Variants in ALK observed in about 807,000 individuals in gnomAD.
The protein encoded by ALK is ALK receptor tyrosine kinase.
Under a neutral mutation model 163.1 loss-of-function variants are expected in ALK, and 74 were observed. That is an observed-to-expected ratio of 0.45 (90% CI 0.38 to 0.55). The LOEUF (loss-of-function observed/expected upper bound fraction) is 0.55. Ranked by LOEUF, ALK falls within the 20% of genes least tolerant of loss-of-function variation. The pLI, the probability that ALK is intolerant of heterozygous loss-of-function variation, is 0.00. For synonymous variants in ALK, 960 were observed against 843.2 expected (o/e 1.14, Z -2.40); for missense variants, 2,063 against 2,105.3 (o/e 0.98, Z 0.39).
intron 1 of ALK, among the ~76,000 whole-genome samples, chr2:29,826,986 C>T (rs570423402): frequency 6.6e-6 from 1 of 152,326 alleles, no homozygotes; most frequent in African/African-American, 2.4e-5. Flanking sequence ...AGCTGCTGTA[C>T]CCTTACAGGA....
intron 3 of ALK, among the ~76,000 whole-genome samples, chr2:29,649,535 T>TGGAG (rs113259592): frequency 0.015 from 2,269 of 152,260 alleles, 28 homozygotes; most frequent in South Asian, 0.046. Flanking sequence ...AACCATTGAA[T>TGGAG]GATTCCCCAT....
chr2:29,843,011 T>TGA (rs1010696488), intron 1 of ALK, among the ~76,000 whole-genome samples: 1 of 152,026 alleles, frequency 6.6e-6, no homozygotes, highest in Admixed American at 6.5e-5. Flanking sequence ...CCTTGTGAGG[T>TGA]GAGGTTCTCC....
chr2:29,794,119 A>T (rs2148359239), intron 1 of ALK, among the ~76,000 whole-genome samples: 1 of 152,262 alleles, frequency 6.6e-6, no homozygotes, highest in East Asian at 1.9e-4. Context: ...GATCTTCTGG[A>T]TAACTTTCTA....
chr2:29,617,612 T>C (rs1345529832), intron 3 of ALK, among the ~76,000 whole-genome samples: 1 of 152,126 alleles, frequency 6.6e-6, no homozygotes, highest in Non-Finnish European at 1.5e-5. Flanking sequence ...TCAGCTCAGT[T>C]TTAGTAACAA....
At chr2:29,649,414 T>C (rs1186893152) in intron 3 of ALK, among the ~76,000 whole-genome samples, 2 of 152,174 alleles carry the variant, frequency 1.3e-5, no homozygotes, top group African/African-American at 4.8e-5. Context: ...AAATATCTGT[T>C]GATCCTTGGT....
chr2:29,342,077 T>C (rs1216401929), intron 5 of ALK, among the ~76,000 whole-genome samples: 1 of 152,216 alleles, frequency 6.6e-6, no homozygotes, highest in Non-Finnish European at 1.5e-5. Context: ...ACTTGATTCC[T>C]TCAATGAATA....
intron 4 of ALK, among the ~76,000 whole-genome samples, chr2:29,472,868 G>A (rs200301344): frequency 6.6e-6 from 1 of 151,622 alleles, no homozygotes; most frequent in African/African-American, 2.4e-5. Context: ...AAGAAGATCT[G>A]ATAAATGAAA....
At chr2:29,409,832 G>A (rs1289920083) in intron 4 of ALK, among the ~76,000 whole-genome samples, 1 of 151,992 alleles carries the variant, frequency 6.6e-6, no homozygotes, top group Non-Finnish European at 1.5e-5. Context: ...TTGAGCTCAG[G>A]GTTCAAGGGT....
At chr2:29,501,810 T>C (rs1672196109) in intron 4 of ALK, among the ~76,000 whole-genome samples, 1 of 152,234 alleles carries the variant, frequency 6.6e-6, no homozygotes, top group Non-Finnish European at 1.5e-5. Flanking sequence ...TTTCTCGTTT[T>C]GCAAAATTGA....
intron 5 of ALK, among the ~76,000 whole-genome samples, chr2:29,379,194 A>T (rs1668834405): frequency 6.6e-6 from 1 of 152,130 alleles, no homozygotes; most frequent in Non-Finnish European, 1.5e-5. Flanking sequence ...GAGCCCAGGC[A>T]TGGGTGTCTC....
chr2:29,606,231 T>C (rs1675538851), intron 3 of ALK, among the ~76,000 whole-genome samples: 1 of 152,044 alleles, frequency 6.6e-6, no homozygotes, highest in African/African-American at 2.4e-5. Flanking sequence ...AATCAGGAAA[T>C]GAGGAGGTAC....
At chr2:29,207,767 G>T (rs1669350964) in intron 25 of ALK, among the ~76,000 whole-genome samples, 1 of 152,232 alleles carries the variant, frequency 6.6e-6, no homozygotes, top group Non-Finnish European at 1.5e-5. Flanking sequence ...TGTGGATGCT[G>T]CCTCCCATGA....
At position 29,920,086 on chromosome 2, in the gene ALK, C is replaced by G; in HGVS notation, c.574G>C (p.Glu192Gln). 6.2e-6 allele frequency: 10 copies of G among 1,614,192 alleles called. No individual in the cohort carries two copies. Among genetic ancestry groups the G allele is most frequent in the Non-Finnish European group, 8.5e-6 (10 of 1,180,048 alleles). Residue 192 changes from glutamate to glutamine, a missense_variant, in exon 1 of 29, where the codon GAG (glutamate) becomes CAG (glutamine). Transcript: ENST00000389048. ...CTGCCCACTTCCGACGCCTTCTTCT[C>G]GGGCATCAGGCGGATCCTCAGTCGC... ...EGRLRIRLMP[E>Q]KKASEVGREG...
rs925657650 is a variant in ALK at position 29,578,059 on chromosome 2, C to T, written c.953-45943G>A. Among the ~76,000 whole-genome samples the T allele has an allele frequency of 1.1e-4, 16 of 151,738 alleles. No homozygotes were observed. In the East Asian group the frequency reaches 2.7e-3, roughly 26 times the overall value. ...GGTTTGGCTGTGTCCCCACCCAAAT[C>T]GCATCTTGAATTCCCACGTGTTATG... On this transcript the variant is annotated intron_variant, in intron 3 of 28. Coordinates refer to ENST00000389048, the MANE Select transcript of ALK (RefSeq NM_004304.5).
At chr2:29,328,518 G>T (rs774904799) in intron 5 of ALK, 37 bp from the exon 6 acceptor site, 18 of 1,613,726 alleles carry the variant, frequency 1.1e-5, no homozygotes, top group Admixed American at 5.0e-5. Context: ...TGGTAAGTTT[G>T]CATGGCCCCA....
chr2:29,395,180 TGCAA>T (rs1381983903), intron 4 of ALK, among the ~76,000 whole-genome samples: 2 of 152,218 alleles, frequency 1.3e-5, no homozygotes, highest in African/African-American at 4.8e-5. Context: ...CAAATGCGAA[TGCAA>T]GCCTCTGAGC....
intron 3 of ALK, among the ~76,000 whole-genome samples, chr2:29,682,076 T>C (rs2148279595): frequency 6.6e-6 from 1 of 152,318 alleles, no homozygotes; most frequent in South Asian, 2.1e-4. Flanking sequence ...CCAGCCCATT[T>C]AGTCTGTATG....
intron 9 of ALK, among the ~76,000 whole-genome samples, chr2:29,283,556 C>A (rs1430348944): frequency 6.6e-6 from 1 of 152,008 alleles, no homozygotes; most frequent in Admixed American, 6.6e-5. Context: ...TCTCGCCTGA[C>A]CAAAAGCATC....
At chr2:29,576,090 G>T (rs991993565) in intron 3 of ALK, among the ~76,000 whole-genome samples, 1 of 152,174 alleles carries the variant, frequency 6.6e-6, no homozygotes, top group African/African-American at 2.4e-5. Flanking sequence ...GGTGCACGGG[G>T]TGCAGTCAGG....
Sources: gnomAD v4.1 joint callset for allele counts (sites outside exome capture counted in the v4.1 genomes callset) on GRCh38, gnomAD v4.1.1 for gene constraint, MANE v1.5 for transcripts, NCBI Gene and HGNC (gene_info 2026-07-23, HGNC 2026-07-21) for gene names.